KIAA1549: variants seen among roughly 807,000 people sequenced by gnomAD.
KIAA1549 encodes KIAA1549.
KIAA1549 carries 70 observed loss-of-function variants against 156.4 expected under a neutral mutation model. The observed-to-expected ratio is 0.45, with a 90% CI of 0.37 to 0.55. The LOEUF is 0.55. Ranked by LOEUF, KIAA1549 falls within the 20% of genes least tolerant of loss-of-function variation. KIAA1549 has a pLI of 0.00. For synonymous variants in KIAA1549, 1,103 were observed against 1,066.4 expected (o/e 1.03, Z -0.67); for missense variants, 2,428 against 2,540.9 (o/e 0.96, Z 0.96).
chr7:138,965,367 T>C (rs1206388900), intron 1 of KIAA1549, among the ~76,000 whole-genome samples: 1 of 152,224 alleles, frequency 6.6e-6, no homozygotes, highest in Non-Finnish European at 1.5e-5. Flanking sequence ...ATTTTTGTAT[T>C]TTTTGTAGAG....
Position 138,873,662 on chromosome 7 carries a change from G to C in KIAA1549, c.4346-2300C>G, listed in dbSNP as rs191657108. ...TGTCAGCCCTGCCTGGGTACCACTGGAGCAGCAGCCTAAGACTGGGCTCCT... is the reference window on the plus strand; with the variant it reads ...TGTCAGCCCTGCCTGGGTACCACTGCAGCAGCAGCCTAAGACTGGGCTCCT... On this transcript the variant is annotated intron_variant, in intron 12 of 19. Transcript: ENST00000422774. 7.3e-3 allele frequency among the ~76,000 whole-genome samples: 1,094 copies of C among 149,560 alleles called. 7 individuals carry two copies. Among genetic ancestry groups the C allele is most frequent in the Middle Eastern group, 0.035 (10 of 284 alleles).
chr7:138,927,873 C>T (rs1270194011), intron 1 of KIAA1549, among the ~76,000 whole-genome samples: 1 of 151,692 alleles, frequency 6.6e-6, no homozygotes, highest in Non-Finnish European at 1.5e-5. Context: ...AGATGGATCA[C>T]CTTTTCAATA....
In KIAA1549 at chr7:138,918,066, C is replaced by A. The variant is rs1290629535; in HGVS notation, c.1560G>T (p.Gln520His). The A allele has an allele frequency of 1.2e-6, 2 of 1,613,332 alleles. No individual in the cohort carries two copies. Among genetic ancestry groups the A allele is most frequent in the East Asian group, 2.2e-5 (1 of 44,870 alleles). Residue 520 changes from glutamine (Q) to histidine (H), a missense_variant, in exon 2 of 20, where the codon CAG becomes CAT. Transcript: ENST00000422774. This position sits in a 1 kb window ranked among gnomAD's most constrained non-coding sequence, Gnocchi z 4.2. ...EVDMSSVTTTQVPPAHGRLSV... is the reference protein window; with the variant it reads ...EVDMSSVTTTHVPPAHGRLSV... ...AGAGGCGGCCGTGGGCAGGGGGAAC[C>A]TGTGTGGTTGTAACACTACTCATAT...
Position 138,981,202 on chromosome 7 carries a change from A to T in KIAA1549, c.68T>A (p.Leu23Gln), listed in dbSNP as rs1348595902. 1.9e-6 allele frequency: 2 copies of T among 1,043,700 alleles called. No individual in the cohort carries two copies. Among genetic ancestry groups the T allele is most frequent in the Non-Finnish European group, 2.3e-6 (2 of 868,320 alleles). 64.7% of individuals were successfully genotyped at this position (1,043,700 alleles called of 1,614,324 possible). Residue 23 changes from leucine to glutamine, a missense_variant, in exon 1 of 20, where the codon CTG (leucine) becomes CAG (glutamine). Transcript: ENST00000422774. This position sits in a 1 kb window ranked among gnomAD's most constrained non-coding sequence, Gnocchi z 4.5. Reference sequence around the variant, plus strand: ...CCGTCGGCCGCTCGGCCCCGGGGCCAGCGCGACCCCGGCGCGGGGCTTCCC... The same window carrying T: ...CCGTCGGCCGCTCGGCCCCGGGGCCTGCGCGACCCCGGCGCGGGGCTTCCC... ...MEGKPRAGVA[L>Q]APGPSGRRPS...
In KIAA1549 at chr7:138,832,190, C is replaced by CTTTTTTTTTT. The variant is rs1563039449; in HGVS notation, c.*5715_*5716insAAAAAAAAAA. 4.7e-4 allele frequency: 80 copies of CTTTTTTTTTT among 169,944 alleles called. 3 individuals are homozygous for CTTTTTTTTTT. Among genetic ancestry groups the CTTTTTTTTTT allele is most frequent in the South Asian group, 1.9e-3 (8 of 4,150 alleles). 10.5% of individuals were successfully genotyped at this position (169,944 alleles called of 1,614,324 possible). ...TTCACCTCTGTCCCTTTTACCTATTCCTTTTTTTTTTTTTTTTTTTTCCAG... is the reference window on the plus strand; with the variant it reads ...TTCACCTCTGTCCCTTTTACCTATTCTTTTTTTTTTCTTTTTTTTTTTTTTTTTTTTCCAG... On this transcript the variant is annotated 3_prime_UTR_variant, in exon 20 of 20. Transcript: ENST00000422774.
At position 138,834,821 on chromosome 7, in the gene KIAA1549, T is replaced by A. The variant is rs1219074368; in HGVS notation, c.*3085A>T. The A allele has an allele frequency of 4.3e-6, 1 of 232,184 alleles. No individual in the cohort carries two copies. The highest frequency in any genetic ancestry group is 6.1e-5 in the East Asian group (1 of 16,478). The allele number at this position is 232,184 out of a possible 1,614,324, so 14.4% of individuals were successfully genotyped here. A position where few individuals can be genotyped will look rare whatever the true frequency, so the allele number is the denominator to read the frequency against. ...TTTCACAGTGCTTTATGCTCCCTCC[T>A]CACAGGACATCTGCACACATGATCA... On this transcript the variant is annotated 3_prime_UTR_variant, in exon 20 of 20. Transcript: ENST00000422774.
At chr7:138,865,807 C>T (rs921220587) in intron 15 of KIAA1549, among the ~76,000 whole-genome samples, 26 of 152,244 alleles carry the variant, frequency 1.7e-4, no homozygotes, top group Admixed American at 1.6e-3. Context: ...ACAGGTTCCT[C>T]CCCATACAAA....
At chr7:138,927,533 G>C (rs932790713) in intron 1 of KIAA1549, among the ~76,000 whole-genome samples, 1 of 152,254 alleles carries the variant, frequency 6.6e-6, no homozygotes, top group African/African-American at 2.4e-5. Flanking sequence ...AGCTACTCTG[G>C]AGGCTGAGGC....
intron 2 of KIAA1549, among the ~76,000 whole-genome samples, chr7:138,915,880 GCCA>G (rs1812303057): frequency 6.6e-6 from 1 of 152,160 alleles, no homozygotes; most frequent in South Asian, 2.1e-4. Flanking sequence ...GACCAAGCGG[GCCA>G]CCGTCGCGGG....
intron 9 of KIAA1549, among the ~76,000 whole-genome samples, chr7:138,898,299 C>A (rs1225567272): frequency 7.0e-6 from 1 of 143,758 alleles, no homozygotes; most frequent in Non-Finnish European, 1.5e-5. Context: ...GAGTGAGACT[C>A]CATCTCAAAA....
At chr7:138,879,740 C>T (rs1811191336) in intron 11 of KIAA1549, 87 bp from the exon 12 acceptor site, 1 of 850,390 alleles carries the variant, frequency 1.2e-6, no homozygotes, top group Non-Finnish European at 1.8e-6. Context: ...GGAAGTCAGG[C>T]TTCCAGGCAA....
intron 10 of KIAA1549, among the ~76,000 whole-genome samples, chr7:138,893,333 A>G (rs961873665): frequency 6.6e-6 from 1 of 151,932 alleles, no homozygotes; most frequent in Non-Finnish European, 1.5e-5. Flanking sequence ...AAAAAAATCG[A>G]GAGAACTTTG....
chr7:138,881,005 G>A (rs1682274624), intron 11 of KIAA1549, among the ~76,000 whole-genome samples: 1 of 152,226 alleles, frequency 6.6e-6, no homozygotes, highest in Non-Finnish European at 1.5e-5. Flanking sequence ...CACACAGGCT[G>A]AGCGTGTACC....
In KIAA1549 at chr7:138,889,437, C is replaced by T. The variant is rs80288491; in HGVS notation, c.4032+4905G>A. ...TTATTACTGTTGATTGATGAAACAT[C>T]GAGCAGTTAATATACAGCTAAGAAT... On this transcript the variant is annotated intron_variant, in intron 10 of 19. Coordinates refer to ENST00000422774, the MANE Select transcript of KIAA1549 (RefSeq NM_001164665.2). 3.5e-3 allele frequency among the ~76,000 whole-genome samples: 531 copies of T among 152,214 alleles called. 2 individuals are homozygous for T. Among genetic ancestry groups the T allele is most frequent in the Non-Finnish European group, 4.5e-3 (309 of 68,010 alleles).
intron 13 of KIAA1549, among the ~76,000 whole-genome samples, chr7:138,870,270 C>T (rs1451575622): frequency 6.6e-6 from 1 of 151,914 alleles, no homozygotes; most frequent in South Asian, 2.1e-4. Context: ...CAGGGAGGAG[C>T]AGAGACCCTG....
At chr7:138,876,263 T>C (rs921943867) in intron 12 of KIAA1549, 1 of 152,254 alleles carries the variant, frequency 6.6e-6, no homozygotes, top group African/African-American at 2.4e-5. Flanking sequence ...TCAATCATTT[T>C]ATAAATGGTA....
chr7:138,896,354 G>T (rs1563067218), intron 9 of KIAA1549, among the ~76,000 whole-genome samples: 1 of 152,164 alleles, frequency 6.6e-6, no homozygotes. Flanking sequence ...GCAAGGGAGG[G>T]AGCAAGCATT....
intron 1 of KIAA1549, among the ~76,000 whole-genome samples, chr7:138,958,461 C>T (rs1813736315): frequency 6.6e-6 from 1 of 152,188 alleles, no homozygotes; most frequent in Non-Finnish European, 1.5e-5. Context: ...AGCCTGGATC[C>T]CCAAGCTGCA....
intron 1 of KIAA1549, among the ~76,000 whole-genome samples, chr7:138,975,684 C>A (rs1418858075): frequency 6.6e-6 from 1 of 152,100 alleles, no homozygotes; most frequent in Non-Finnish European, 1.5e-5. Flanking sequence ...TGCCTAACAA[C>A]AAGAAAAAGA....
Sources: gnomAD v4.1 joint callset for allele counts (sites outside exome capture counted in the v4.1 genomes callset) on GRCh38, gnomAD v4.1.1 for gene constraint, Gnocchi (gnomAD v3.1) non-coding constraint, MANE v1.5 for transcripts, NCBI Gene and HGNC (gene_info 2026-07-23, HGNC 2026-07-21) for gene names.